CBLB: variants seen among roughly 807,000 people sequenced by gnomAD.
CBLB encodes Cbl proto-oncogene B.
In CBLB, 31 loss-of-function variants were observed where a neutral mutation model predicts 104.9. That is an observed-to-expected ratio of 0.30 (90% CI 0.22 to 0.40). The LOEUF (loss-of-function observed/expected upper bound fraction) is 0.40, where lower values mean the gene tolerates loss of function less well. Among genes scored for constraint, CBLB ranks in the 10% least tolerant of loss-of-function variants. The pLI is 1.00. For missense variants in CBLB, 1,062 were observed against 1,214.6 expected (o/e 0.87, Z 1.87); for synonymous variants, 440 against 422.6 (o/e 1.04, Z -0.51).
rs1013908232 is a variant in CBLB, at chr3:105,799,554, T to C, written c.420-23012A>G. Among the ~76,000 whole-genome samples the C allele has an allele frequency of 3.9e-5, 6 of 152,326 alleles. No homozygotes were observed. The East Asian group carries it at 1.2e-3, about 29-fold the overall frequency. On this transcript the variant is annotated intron_variant, in intron 3 of 18. Coordinates refer to ENST00000394030, the MANE Select transcript of CBLB (RefSeq NM_170662.5). ...CCATTTTGATTTGCAACATAACGTT[T>C]GTGCTGTTATCTCTGGATGATAAGA...
At chr3:105,835,037 A>T (rs1327068962) in intron 3 of CBLB, among the ~76,000 whole-genome samples, 1 of 152,186 alleles carries the variant, frequency 6.6e-6, no homozygotes, top group African/African-American at 2.4e-5. Context: ...ATCACTTATT[A>T]ATCTCCATGA....
chr3:105,690,622 G>C (rs1208065357), intron 13 of CBLB, among the ~76,000 whole-genome samples: 2 of 152,048 alleles, frequency 1.3e-5, no homozygotes, highest in African/African-American at 4.8e-5. Flanking sequence ...AGGAGTTCGA[G>C]ACCAGCCTGG....
chr3:105,676,901 T>C (rs2065715165), intron 17 of CBLB, among the ~76,000 whole-genome samples: 1 of 152,218 alleles, frequency 6.6e-6, no homozygotes, highest in Admixed American at 6.5e-5. Flanking sequence ...GCTCACTCTC[T>C]CTGGCACCTG....
At chr3:105,821,459 C>T (rs987712277) in intron 3 of CBLB, among the ~76,000 whole-genome samples, 1 of 152,084 alleles carries the variant, frequency 6.6e-6, no homozygotes, top group African/African-American at 2.4e-5. Flanking sequence ...TCACACAAAC[C>T]AGTCTATACA....
At chr3:105,715,548 C>G (rs2071730239) in intron 10 of CBLB, among the ~76,000 whole-genome samples, 1 of 152,068 alleles carries the variant, frequency 6.6e-6, no homozygotes, top group Non-Finnish European at 1.5e-5. Context: ...GCTACGATGG[C>G]AGCATTACTC....
intron 1 of CBLB, among the ~76,000 whole-genome samples, chr3:105,867,830 A>T (rs1215744093): frequency 2.6e-5 from 4 of 151,916 alleles, no homozygotes; most frequent in African/African-American, 9.7e-5. Context: ...TTAAAGATGC[A>T]TCCTGCTCAC....
At chr3:105,783,097 A>G (rs2080491239) in intron 3 of CBLB, among the ~76,000 whole-genome samples, 1 of 152,232 alleles carries the variant, frequency 6.6e-6, no homozygotes, top group African/African-American at 2.4e-5. Context: ...TTCAAAATAT[A>G]TTCTGATTAA....
intron 16 of CBLB, among the ~76,000 whole-genome samples, chr3:105,679,289 T>A (rs2066016324): frequency 7.0e-6 from 1 of 142,480 alleles, no homozygotes; most frequent in African/African-American, 2.6e-5. Context: ...ATTTGTCCCC[T>A]GTCACACCTT....
At chr3:105,705,388 TCTC>T (rs1214309122) in intron 10 of CBLB, among the ~76,000 whole-genome samples, 1 of 152,192 alleles carries the variant, frequency 6.6e-6, no homozygotes, top group East Asian at 1.9e-4. Context: ...TCCTTTTTCT[TCTC>T]CAGGATTTCA....
chr3:105,659,628 AG>A (rs1247062739), intron 18 of CBLB, among the ~76,000 whole-genome samples: 3 of 152,308 alleles, frequency 2.0e-5, no homozygotes, highest in African/African-American at 7.2e-5. Context: ...GGTTCTCCAG[AG>A]GAACAATCTT....
chr3:105,716,562 T>C (rs2071915417), intron 10 of CBLB, among the ~76,000 whole-genome samples: 1 of 152,160 alleles, frequency 6.6e-6, no homozygotes, highest in South Asian at 2.1e-4. Context: ...TATATAAAAA[T>C]TTAGGTTTTA....
At chr3:105,739,063 A>G (rs545041178) in intron 7 of CBLB, among the ~76,000 whole-genome samples, 53 of 152,192 alleles carry the variant, frequency 3.5e-4, no homozygotes, top group Admixed American at 1.2e-3. Flanking sequence ...ACGCGCCACC[A>G]TGCCCAGCTA....
At chr3:105,866,904 T>C (rs1257697984) in intron 2 of CBLB, among the ~76,000 whole-genome samples, 9 of 152,240 alleles carry the variant, frequency 5.9e-5, no homozygotes, top group Admixed American at 5.9e-4. Context: ...CAAAAAAAGT[T>C]TCTTAATGAA....
chr3:105,784,019 G>A (rs2080645742), intron 3 of CBLB, among the ~76,000 whole-genome samples: 2 of 152,148 alleles, frequency 1.3e-5, no homozygotes, highest in Non-Finnish European at 2.9e-5. Flanking sequence ...TCTCTTTGAT[G>A]ATTTCAACAA....
intron 9 of CBLB, among the ~76,000 whole-genome samples, chr3:105,730,693 G>A (rs1228478552): frequency 1.3e-5 from 2 of 152,022 alleles, no homozygotes; most frequent in African/African-American, 4.8e-5. Flanking sequence ...TTTGTGTGAG[G>A]AGAATTCAAA....
intron 3 of CBLB, among the ~76,000 whole-genome samples, chr3:105,780,644 A>T (rs1353123660): frequency 7.1e-6 from 1 of 141,436 alleles, no homozygotes; most frequent in Non-Finnish European, 1.5e-5. Flanking sequence ...ATTTTACAAT[A>T]AAAGTTTTGT....
At chr3:105,818,528 T>G (rs930876300) in intron 3 of CBLB, among the ~76,000 whole-genome samples, 3 of 152,150 alleles carry the variant, frequency 2.0e-5, no homozygotes, top group African/African-American at 7.2e-5. Flanking sequence ...GAAATTGCAC[T>G]GAAATTTATG....
chr3:105,853,592 T>C lies in CBLB; in HGVS notation c.241A>G (p.Thr81Ala), dbSNP rs375734592. 6 of 1,611,522 alleles carry C rather than the reference T, an allele frequency of 3.7e-6. No homozygotes were observed. In the African/African-American group the frequency reaches 4.0e-5, roughly 11 times the overall value. ...AATATAAGTCGTAAATGCTGATATG[T>C]ATCAGGCAAAATATCAAGTATATAT... Reference protein sequence around the residue: ...PPYILDILPDTYQHLRLILSK... With the variant: ...PPYILDILPDAYQHLRLILSK... Residue 81 changes from threonine (T) to alanine (A), a missense_variant, in exon 3 of 19, where the codon ACA becomes GCA. By Grantham distance (58) the Thr-to-Ala change is moderately conservative. Around this residue, in one of 2 missense-constraint regions of CBLB, gnomAD observed 457 missense variants for 632.0 expected, o/e 0.72. Coordinates refer to ENST00000394030, the MANE Select transcript of CBLB (RefSeq NM_170662.5).
chr3:105,675,383 T>A (rs1313957215), intron 17 of CBLB, among the ~76,000 whole-genome samples: 1 of 152,222 alleles, frequency 6.6e-6, no homozygotes, highest in Non-Finnish European at 1.5e-5. Flanking sequence ...TAGGGAGAAC[T>A]GCTATAATGA....
Sources: gnomAD v4.1 joint callset for allele counts (sites outside exome capture counted in the v4.1 genomes callset) on GRCh38, gnomAD v4.1.1 for gene constraint, gnomAD v4.1.1 regional missense constraint, MANE v1.5 for transcripts, NCBI Gene and HGNC (gene_info 2026-07-23, HGNC 2026-07-21) for gene names.